ROBO2: variants seen among roughly 807,000 people sequenced by gnomAD.
ROBO2 encodes roundabout guidance receptor 2.
Under a neutral mutation model 160.8 loss-of-function variants are expected in ROBO2, and 53 were observed. That is an observed-to-expected ratio of 0.33 (90% confidence interval 0.26 to 0.41). ROBO2 has a LOEUF of 0.41. Among genes scored for constraint, ROBO2 ranks in the 10% least tolerant of loss-of-function variants. The probability of loss-of-function intolerance (pLI) is 1.00; values close to 1 mark genes in which losing one functional copy is unlikely to be tolerated. For synonymous variants in ROBO2, 664 were observed against 611.7 expected (o/e 1.09, Z -1.26); for missense variants, 1,577 against 1,722.4 (o/e 0.92, Z 1.49).
intron 2 of ROBO2, among the ~76,000 whole-genome samples, chr3:76,796,268 T>G (rs2324690): frequency 0.012 from 1,812 of 152,182 alleles, 106 homozygotes; most frequent in Admixed American, 0.086. Context: ...GAAGGCTACC[T>G]AATCTAACCT....
intron 2 of ROBO2, among the ~76,000 whole-genome samples, chr3:77,015,128 A>G (rs984688804): frequency 6.6e-6 from 1 of 152,294 alleles, no homozygotes; most frequent in Middle Eastern, 3.4e-3. Context: ...TTTCCCTCCA[A>G]TGCGACTCAT....
intron 2 of ROBO2, among the ~76,000 whole-genome samples, chr3:76,436,556 T>A (rs1302139309): frequency 6.8e-6 from 1 of 148,048 alleles, no homozygotes; most frequent in Non-Finnish European, 1.5e-5. Context: ...AATAGGCAAC[T>A]TTTTTTTTTG....
At chr3:76,570,818 T>C (rs1010706862) in intron 2 of ROBO2, among the ~76,000 whole-genome samples, 1 of 152,120 alleles carries the variant, frequency 6.6e-6, no homozygotes, top group Non-Finnish European at 1.5e-5. Context: ...GCCCTGCTCC[T>C]CAAATAAGAA....
intron 2 of ROBO2, among the ~76,000 whole-genome samples, chr3:77,239,177 C>T (rs951806014): frequency 1.3e-5 from 2 of 152,052 alleles, no homozygotes; most frequent in African/African-American, 4.8e-5. Context: ...GTGGTGTGTC[C>T]GCAGTTTGTT....
At chr3:76,750,220 G>A (rs2093960392) in intron 2 of ROBO2, among the ~76,000 whole-genome samples, 1 of 152,090 alleles carries the variant, frequency 6.6e-6, no homozygotes, top group South Asian at 2.1e-4. Context: ...AGTAGATGCA[G>A]AAAAGGCCTT....
intron 2 of ROBO2, among the ~76,000 whole-genome samples, chr3:77,463,365 G>A (rs2082432233): frequency 6.6e-6 from 1 of 151,974 alleles, no homozygotes; most frequent in Non-Finnish European, 1.5e-5. Flanking sequence ...TTTTAGATTG[G>A]GAAGAACCAT....
At chr3:76,791,601 C>A (rs192288222) in intron 2 of ROBO2, among the ~76,000 whole-genome samples, 1 of 151,648 alleles carries the variant, frequency 6.6e-6, no homozygotes, top group African/African-American at 2.4e-5. Flanking sequence ...GTGCTCTAAT[C>A]AAGCTTCAGA....
At chr3:76,183,702 T>G (rs1259735422) in intron 2 of ROBO2, among the ~76,000 whole-genome samples, 1 of 152,126 alleles carries the variant, frequency 6.6e-6, no homozygotes, top group Non-Finnish European at 1.5e-5. Flanking sequence ...ACTCCGAATA[T>G]TCTATTGGCT....
At chr3:77,241,093 G>A (rs1313607279) in intron 2 of ROBO2, among the ~76,000 whole-genome samples, 2 of 152,160 alleles carry the variant, frequency 1.3e-5, no homozygotes, top group African/African-American at 4.8e-5. Flanking sequence ...TGATGAATTA[G>A]TAAATAAAGT....
chr3:77,219,468 G>GTATATATATATAATCTGTATATATA (rs2085463264), intron 2 of ROBO2, among the ~76,000 whole-genome samples: 1 of 122,238 alleles, frequency 8.2e-6, no homozygotes, highest in Non-Finnish European at 1.7e-5. Flanking sequence ...ATGTATCTGT[G>GTATATATATATAATCTGTATATATA]TATATATATA....
intron 2 of ROBO2, among the ~76,000 whole-genome samples, chr3:76,656,700 A>T (rs1471875861): frequency 6.6e-6 from 1 of 151,842 alleles, no homozygotes; most frequent in African/African-American, 2.4e-5. Flanking sequence ...TATTTTTCCC[A>T]CTGTAAACCT....
chr3:77,555,169 T>A (rs2093066146), intron 8 of ROBO2, among the ~76,000 whole-genome samples: 1 of 151,776 alleles, frequency 6.6e-6, no homozygotes, highest in South Asian at 2.1e-4. Flanking sequence ...AGGTATGAAC[T>A]TTTTTTTAGA....
chr3:76,410,841 G>T (rs1410916040), intron 2 of ROBO2, among the ~76,000 whole-genome samples: 1 of 152,172 alleles, frequency 6.6e-6, no homozygotes, highest in Non-Finnish European at 1.5e-5. Context: ...TATTGGATGA[G>T]ATGTGTGGAA....
chr3:76,478,096 A>AT (rs1334277067), intron 2 of ROBO2, among the ~76,000 whole-genome samples: 2 of 150,978 alleles, frequency 1.3e-5, no homozygotes, highest in South Asian at 2.1e-4. Context: ...TTACATATGT[A>AT]TACATGTGCC....
intron 2 of ROBO2, among the ~76,000 whole-genome samples, chr3:76,441,061 T>C (rs1015907836): frequency 6.6e-6 from 1 of 152,158 alleles, no homozygotes; most frequent in African/African-American, 2.4e-5. Flanking sequence ...AAATATTAGA[T>C]ACTAGACCTC....
At chr3:77,257,389 A>G (rs1438782625) in intron 2 of ROBO2, among the ~76,000 whole-genome samples, 1 of 152,162 alleles carries the variant, frequency 6.6e-6, no homozygotes. Context: ...GATCTTTTGA[A>G]CACTGAGATG....
intron 1 of ROBO2, among the ~76,000 whole-genome samples, chr3:75,915,173 A>G (rs554483218): frequency 6.6e-6 from 1 of 152,180 alleles, no homozygotes; most frequent in Admixed American, 6.6e-5. Flanking sequence ...TGATCACAAA[A>G]CCAGTGAATG....
chr3:76,203,798 C>T (rs570963316), intron 2 of ROBO2, among the ~76,000 whole-genome samples: 3 of 151,152 alleles, frequency 2.0e-5, no homozygotes, highest in Non-Finnish European at 4.4e-5. Context: ...GATCACAGGT[C>T]AGGGTTCTAG....
intron 2 of ROBO2, among the ~76,000 whole-genome samples, chr3:76,112,475 A>C (rs754247522): frequency 1.6e-4 from 25 of 151,742 alleles, no homozygotes; most frequent in Non-Finnish European, 3.1e-4. Context: ...TTTTAGGCTT[A>C]TTCATCTGTT....
Sources: gnomAD v4.1 joint callset for allele counts (sites outside exome capture counted in the v4.1 genomes callset) on GRCh38, gnomAD v4.1.1 for gene constraint, MANE v1.5 for transcripts, NCBI Gene and HGNC (gene_info 2026-07-23, HGNC 2026-07-21) for gene names.